The following CCNDBP1 variants were observed in gnomAD, a reference collection of about 807,000 sequenced individuals.
CCNDBP1 encodes the protein cyclin-D1-binding protein 1.
CCNDBP1 carries 45 observed loss-of-function variants against 46.2 expected under a neutral mutation model. The observed-to-expected ratio is 0.97, with a 90% CI of 0.77 to 1.25. The LOEUF is 1.25. Among genes scored for constraint, CCNDBP1 ranks in the 50% most tolerant of loss-of-function variants. The pLI is 0.00. For missense variants in CCNDBP1, 436 were observed against 442.1 expected (o/e 0.99, Z 0.12); for synonymous variants, 154 against 163.6 (o/e 0.94, Z 0.45).
chr15:43,185,885 T>C lies in CCNDBP1; in HGVS notation c.169+6T>C. ...GATGTTCTGGAGAAGACTCAGTGAGTGCGCCTCCTTCCGGGCTCCCCTTGC... is the reference window on the plus strand; with the variant it reads ...GATGTTCTGGAGAAGACTCAGTGAGCGCGCCTCCTTCCGGGCTCCCCTTGC... On this transcript the variant is annotated splice_donor_region_variant and intron_variant, in intron 2 of 10. Transcript: ENST00000300213. 1 of 1,609,132 alleles carries C rather than the reference T, an allele frequency of 6.2e-7. No homozygotes were observed. The highest frequency in any genetic ancestry group is 2.2e-5 in the East Asian group (1 of 44,832).
At position 43,195,497 on chromosome 15, in the gene CCNDBP1, T is replaced by A. The variant is rs897097687; in HGVS notation, c.*656T>A. The A allele has an allele frequency of 1.3e-5, 2 of 152,224 alleles. No homozygotes were observed. The highest frequency in any genetic ancestry group is 4.8e-5 in the African/African-American group (2 of 41,460). 9.4% of individuals were successfully genotyped at this position (152,224 alleles called of 1,614,324 possible). On this transcript the variant is annotated 3_prime_UTR_variant, in exon 11 of 11. Transcript: ENST00000300213. Reference sequence around the variant, plus strand: ...TTATTGAACAGATTTATTTTCCTTATACATACTTGTGTTGTCCTTGGTTAC... The same window carrying A: ...TTATTGAACAGATTTATTTTCCTTAAACATACTTGTGTTGTCCTTGGTTAC...
At chr15:43,187,711 A>C (rs1161088702) in intron 3 of CCNDBP1, among the ~76,000 whole-genome samples, 2 of 152,196 alleles carry the variant, frequency 1.3e-5, no homozygotes, top group Non-Finnish European at 2.9e-5. Context: ...TTTCAAATGC[A>C]CTTAGGACTT....
intron 4 of CCNDBP1, 25 bp downstream of exon 4, chr15:43,189,305 A>G (rs1253476767): frequency 2.2e-6 from 3 of 1,365,938 alleles, no homozygotes; most frequent in Non-Finnish European, 2.1e-6. Flanking sequence ...TGTTGCATTT[A>G]TCGTGTAGAT....
chr15:43,191,746 G>T lies in CCNDBP1; in HGVS notation c.860+71G>T, dbSNP rs146932920. On this transcript the variant is annotated intron_variant, in intron 8 of 10. Coordinates refer to ENST00000300213, the MANE Select transcript of CCNDBP1 (RefSeq NM_012142.5). ...TTTCAATTTGTGTTGTCACCTCAAGGTTTTCACAGTTTTTTTATATTTTGA... is the reference window on the plus strand; with the variant it reads ...TTTCAATTTGTGTTGTCACCTCAAGTTTTTCACAGTTTTTTTATATTTTGA... 2.1e-4 allele frequency: 321 copies of T among 1,500,882 alleles called. 2 individuals are homozygous for T. The East Asian group carries it at 6.9e-3, about 32-fold the overall frequency. 93.0% of individuals were successfully genotyped at this position (1,500,882 alleles called of 1,614,324 possible).
chr15:43,189,258 C>T lies in CCNDBP1; in HGVS notation c.309C>T (p.Tyr103=). 11 of 1,608,758 alleles carry T rather than the reference C, an allele frequency of 6.8e-6. No homozygotes were observed. Among genetic ancestry groups the T allele is most frequent in the Non-Finnish European group, 9.4e-6 (11 of 1,176,426 alleles). The change falls in exon 4 of 11, where the codon TAC becomes TAT. Residue 103 remains tyrosine (Y), a synonymous_variant. Transcript: ENST00000300213. The part of the protein sequence containing the change: ...HAAIKAFIAV[Y]YLLPKDQGIT... ...CCATCAAGGCATTTATTGCAGTGTA[C>T]TATTTGCTTCCAAAGGATCAGGGTA...
chr15:43,191,474 ATGATG>A lies in CCNDBP1; in HGVS notation c.662_666del (p.Asp221ValfsTer54), dbSNP rs778917726. The A allele has an allele frequency of 1.2e-6, 2 of 1,612,234 alleles. No individual in the cohort carries two copies. The highest frequency in any genetic ancestry group is 1.7e-5 in the Admixed American group (1 of 59,668). ...AACTCTGACAACCACAATCATGAGGATGATGTGTTGGGGTTTCCCAGCAATCAGGA... is the reference window on the plus strand; with the variant it reads ...AACTCTGACAACCACAATCATGAGGATGTTGGGGTTTCCCAGCAATCAGGA... On this transcript the variant is annotated frameshift_variant, in exon 8 of 11. Coordinates refer to ENST00000300213, the MANE Select transcript of CCNDBP1 (RefSeq NM_012142.5). LOFTEE classifies it high-confidence loss of function.
At position 43,192,781 on chromosome 15, in the gene CCNDBP1, G is replaced by A; in HGVS notation, c.899G>A (p.Cys300Tyr). 1 of 1,614,130 alleles carries A rather than the reference G, an allele frequency of 6.2e-7. No homozygotes were observed. The highest frequency in any genetic ancestry group is 8.5e-7 in the Non-Finnish European group (1 of 1,180,026). ...GCTCTGAGCATATATCCACCTATGT[G>A]TCACCTGACCGTGCGAATCAATGTA... ...DLALSIYPPM[C>Y]HLTVRINSAK... The change falls in exon 9 of 11, where the codon TGT (cysteine) becomes TAT (tyrosine). Residue 300 changes from cysteine to tyrosine, a missense_variant. Transcript: ENST00000300213.
rs540742159 is a variant in CCNDBP1 at position 43,196,192 on chromosome 15, T to G, written c.*1351T>G. The G allele has an allele frequency of 4.6e-5, 7 of 152,232 alleles. No individual in the cohort carries two copies. The South Asian group carries it at 6.2e-4, about 14-fold the overall frequency. The allele number at this position is 152,232 out of a possible 1,614,324, so 9.4% of individuals were successfully genotyped here. A position where few individuals can be genotyped will look rare whatever the true frequency, so the allele number is the denominator to read the frequency against. ...TAAAGACTTACCTCTAGCTGAATTA[T>G]TCTCTCAGGTCCTGTATTGTATAAC... On this transcript the variant is annotated 3_prime_UTR_variant, in exon 11 of 11. Coordinates refer to ENST00000300213, the MANE Select transcript of CCNDBP1 (RefSeq NM_012142.5).
chr15:43,186,082 G>A lies in CCNDBP1; in HGVS notation c.170-72G>A, dbSNP rs1254203498. On this transcript the variant is annotated intron_variant, in intron 2 of 10. Transcript: ENST00000300213. ...GAAGTGTTTTTGAGAAGTCTCGGTCGGTAAGGGAAGTCTTCCAAGTCCGTG... is the reference window on the plus strand; with the variant it reads ...GAAGTGTTTTTGAGAAGTCTCGGTCAGTAAGGGAAGTCTTCCAAGTCCGTG... 4.2e-6 allele frequency: 6 copies of A among 1,415,758 alleles called. No homozygotes were observed. In the Admixed American group the frequency reaches 1.0e-4, roughly 24 times the overall value. 87.7% of individuals were successfully genotyped at this position (1,415,758 alleles called of 1,614,324 possible).
rs1463891391 is a variant in CCNDBP1 at position 43,195,477 on chromosome 15, GA to G, written c.*638del. 6.6e-6 allele frequency: 1 copy of G among 152,054 alleles called. No homozygotes were observed. Among genetic ancestry groups the G allele is most frequent in the African/African-American group, 2.4e-5 (1 of 41,384 alleles). 9.4% of individuals were successfully genotyped at this position (152,054 alleles called of 1,614,324 possible). A position where few individuals can be genotyped will look rare whatever the true frequency, so the allele number is the denominator to read the frequency against. ...ATTTGTTAGGTTTGCCCACCTTATT[GA>G]ACAGATTTATTTTCCTTATACATAC... On this transcript the variant is annotated 3_prime_UTR_variant, in exon 11 of 11. Coordinates refer to ENST00000300213, the MANE Select transcript of CCNDBP1 (RefSeq NM_012142.5).
intron 3 of CCNDBP1, among the ~76,000 whole-genome samples, chr15:43,187,536 T>C (rs1367207319): frequency 6.6e-6 from 1 of 152,130 alleles, no homozygotes; most frequent in Non-Finnish European, 1.5e-5. Flanking sequence ...TCCCACAGTG[T>C]TGGGATTACA....
rs772810011 is a variant in CCNDBP1, at chr15:43,190,135, G to A, written c.412G>A (p.Val138Ile). ...GMAQLMEVLS[V>I]TPTQSPENND... ...GGCTCAGCTCATGGAAGTACTTTCC[G>A]TCACTCCAACTCAGAGGTAGTGATG... Residue 138 changes from valine to isoleucine, a missense_variant, in exon 5 of 11, where the codon GTC (valine) becomes ATC (isoleucine). Physicochemically the swap from Val to Ile is conservative, Grantham distance 29. Coordinates refer to ENST00000300213, the MANE Select transcript of CCNDBP1 (RefSeq NM_012142.5). 46 of 1,613,894 alleles carry A rather than the reference G, an allele frequency of 2.9e-5. No individual in the cohort carries two copies. Among genetic ancestry groups the A allele is most frequent in the South Asian group, 1.4e-4 (13 of 91,068 alleles).
intron 4 of CCNDBP1, 61 bp downstream of exon 4, chr15:43,189,341 T>C (rs1180816060): frequency 1.0e-6 from 1 of 973,960 alleles, no homozygotes; most frequent in Non-Finnish European, 1.5e-6. Context: ...GGATTATGTC[T>C]TGTGACTTTT....
intron 6 of CCNDBP1, 42 bp downstream of exon 6, chr15:43,190,440 C>CA (rs752152443): frequency 6.7e-7 from 1 of 1,495,460 alleles, no homozygotes; most frequent in Non-Finnish European, 9.3e-7. Context: ...CTGGCCAAAG[C>CA]AAAGAGACCT....
intron 8 of CCNDBP1, 108 bp downstream of exon 8, chr15:43,191,783 C>A: frequency 7.5e-7 from 1 of 1,326,196 alleles, no homozygotes; most frequent in Non-Finnish European, 1.0e-6. Flanking sequence ...ATTTTTCAAA[C>A]CTATAGGAAA....
intron 2 of CCNDBP1, 42 bp downstream of exon 2, chr15:43,185,921 C>T (rs200972843): frequency 2.2e-4 from 339 of 1,572,514 alleles, no homozygotes; most frequent in Middle Eastern, 8.4e-4. Flanking sequence ...CTCAGTTCCT[C>T]CAGCGTCCCG....
rs553777674 is a variant in CCNDBP1 at position 43,194,818 on chromosome 15, A to T, written c.1060A>T (p.Thr354Ser). ...TTGCATGAATAGAATCAAGGAGCTC[A>T]CTCAGAGTGAACTTGAATTATGACT... ...DHCMNRIKEL[T>S]QSELEL The change falls in exon 11 of 11, where the codon ACT becomes TCT. Residue 354 changes from threonine to serine, a missense_variant. Transcript: ENST00000300213. The T allele has an allele frequency of 6.2e-7, 1 of 1,610,344 alleles. No homozygotes were observed. Among genetic ancestry groups the T allele is most frequent in the South Asian group, 1.1e-5 (1 of 90,984 alleles).
At position 43,195,204 on chromosome 15, in the gene CCNDBP1, G is replaced by C; in HGVS notation, c.*363G>C. On this transcript the variant is annotated 3_prime_UTR_variant, in exon 11 of 11. Coordinates refer to ENST00000300213, the MANE Select transcript of CCNDBP1 (RefSeq NM_012142.5). ...CTAACTTGCCAGTGATTAAATGAGT[G>C]CCCTTCCAAAGTTTCTTTTTACCAG... 6.0e-6 allele frequency: 1 copy of C among 167,686 alleles called. No individual in the cohort carries two copies. The highest frequency in any genetic ancestry group is 1.3e-5 in the Non-Finnish European group (1 of 78,692). The allele number at this position is 167,686 out of a possible 1,614,324, so 10.4% of individuals were successfully genotyped here. A position where few individuals can be genotyped will look rare whatever the true frequency, so the allele number is the denominator to read the frequency against.
At chr15:43,185,743 T>C in intron 1 of CCNDBP1, 77 bp from the exon 2 acceptor site, 8 of 1,510,848 alleles carry the variant, frequency 5.3e-6, no homozygotes, top group South Asian at 1.2e-5. Context: ...GAGCCGGGCT[T>C]GGGCGAGGGA....
Sources: allele counts gnomAD v4.1 joint callset (sites outside exome capture counted in the v4.1 genomes callset), GRCh38; gene constraint gnomAD v4.1.1; transcripts MANE v1.5; gene names NCBI Gene and HGNC (gene_info 2026-07-23, HGNC 2026-07-21).